Variants in TMTC2 observed in about 807,000 individuals in gnomAD.
The protein encoded by TMTC2 is protein O-mannosyl-transferase TMTC2.
In TMTC2, 43 loss-of-function variants were observed where a neutral mutation model predicts 82.4. The observed-to-expected ratio is 0.52, with a 90% CI of 0.41 to 0.67. TMTC2 has a LOEUF of 0.67. Ranked by LOEUF, TMTC2 falls within the 30% of genes least tolerant of loss-of-function variation. TMTC2 has a pLI of 0.00. For synonymous variants in TMTC2, 408 were observed against 381.9 expected, an observed-to-expected ratio of 1.07 and a Z score of -0.80; for missense variants, 919 against 1,012.4, an observed-to-expected ratio of 0.91 and a Z score of 1.25.
intron 2 of TMTC2, among the ~76,000 whole-genome samples, chr12:82,888,191 C>A (rs1368927605): frequency 2.6e-5 from 4 of 152,182 alleles, no homozygotes; most frequent in Non-Finnish European, 4.4e-5. Context: ...AAACCCTGTC[C>A]ATACTGGTGT....
At chr12:82,860,767 TTTGAC>T (rs1871500961) in intron 2 of TMTC2, among the ~76,000 whole-genome samples, 1 of 152,256 alleles carries the variant, frequency 6.6e-6, no homozygotes, top group Non-Finnish European at 1.5e-5. Flanking sequence ...CATAGAGTTG[TTTGAC>T]AGCATGTGAA....
At chr12:83,013,412 T>G (rs1880545368) in intron 8 of TMTC2, among the ~76,000 whole-genome samples, 1 of 152,178 alleles carries the variant, frequency 6.6e-6, no homozygotes, top group Non-Finnish European at 1.5e-5. Flanking sequence ...TTTTCTAACT[T>G]CATTTGATCA....
chr12:82,751,656 A>T (rs557318159), intron 1 of TMTC2, among the ~76,000 whole-genome samples: 4 of 152,182 alleles, frequency 2.6e-5, no homozygotes, highest in Non-Finnish European at 5.9e-5. Flanking sequence ...CTAATAAAGA[A>T]ATCATGGATA....
chr12:82,702,661 T>C (rs1371186984), intron 1 of TMTC2, among the ~76,000 whole-genome samples: 1 of 152,142 alleles, frequency 6.6e-6, no homozygotes, highest in African/African-American at 2.4e-5. Context: ...GTGTGGTGGC[T>C]CACACATGTA....
At chr12:82,708,799 C>CTG (rs1234434218) in intron 1 of TMTC2, among the ~76,000 whole-genome samples, 3 of 152,224 alleles carry the variant, frequency 2.0e-5, no homozygotes, top group African/African-American at 7.2e-5. Flanking sequence ...TTGTTTCAGG[C>CTG]TGTGCTTCAA....
At position 82,914,989 on chromosome 12, in the gene TMTC2, C is replaced by T. The variant is rs147696146; in HGVS notation, c.1484-15442C>T. On this transcript the variant is annotated intron_variant, in intron 3 of 11. Transcript: ENST00000321196. ...TACAGGCATGCACCACCACGCCCGG[C>T]TAATTTTGTATTTTTAGTATAGATG... 2.8e-3 allele frequency among the ~76,000 whole-genome samples: 419 copies of T among 152,032 alleles called. 5 individuals carry two copies. The highest frequency in any genetic ancestry group is 9.5e-3 in the African/African-American group (393 of 41,476).
At chr12:82,839,719 G>A (rs1870233606) in intron 1 of TMTC2, among the ~76,000 whole-genome samples, 1 of 152,156 alleles carries the variant, frequency 6.6e-6, no homozygotes, top group Non-Finnish European at 1.5e-5. Flanking sequence ...ATGTACCCAA[G>A]GTCAGCTTCT....
At chr12:82,778,873 A>T in intron 1 of TMTC2, among the ~76,000 whole-genome samples, 1 of 146,074 alleles carries the variant, frequency 6.8e-6, no homozygotes, top group East Asian at 2.0e-4. Flanking sequence ...AAAAAAAAAA[A>T]AAAAATGCAA....
At chr12:82,997,221 C>CTCTCTCTCTCTCTATATATATATA (rs1451262969) in intron 8 of TMTC2, among the ~76,000 whole-genome samples, 4 of 118,548 alleles carry the variant, frequency 3.4e-5, no homozygotes, top group African/African-American at 1.5e-4. Context: ...CTCTCTCTCT[C>CTCTCTCTCTCTCTATATATATATA]TATATATATA....
At chr12:82,925,470 T>C (rs1184736541) in intron 3 of TMTC2, among the ~76,000 whole-genome samples, 5 of 152,216 alleles carry the variant, frequency 3.3e-5, no homozygotes. Flanking sequence ...CAGGCATACC[T>C]TATTTTCTTG....
intron 7 of TMTC2, among the ~76,000 whole-genome samples, chr12:82,983,841 G>T (rs961552971): frequency 1.3e-5 from 2 of 151,780 alleles, no homozygotes; most frequent in African/African-American, 2.4e-5. Context: ...GCTTTACATT[G>T]TTCAGTATTT....
At chr12:82,799,532 C>T (rs1272838487) in intron 1 of TMTC2, among the ~76,000 whole-genome samples, 1 of 152,088 alleles carries the variant, frequency 6.6e-6, no homozygotes, top group African/African-American at 2.4e-5. Flanking sequence ...GACATTTCTT[C>T]TTCAAGTTCT....
intron 8 of TMTC2, among the ~76,000 whole-genome samples, chr12:83,012,649 G>A (rs1880510559): frequency 6.6e-6 from 1 of 152,052 alleles, no homozygotes; most frequent in Admixed American, 6.6e-5. Flanking sequence ...TTATTCACTT[G>A]ATAACATAGA....
chr12:83,067,140 G>A (rs1882948085), intron 11 of TMTC2, among the ~76,000 whole-genome samples: 1 of 151,874 alleles, frequency 6.6e-6, no homozygotes, highest in African/African-American at 2.4e-5. Flanking sequence ...CAAAGTTAAT[G>A]AGCAGGGAAC....
At chr12:82,935,150 T>C (rs1160192773) in intron 4 of TMTC2, among the ~76,000 whole-genome samples, 2 of 152,166 alleles carry the variant, frequency 1.3e-5, no homozygotes, top group Non-Finnish European at 2.9e-5. Context: ...TGGGTTTGCA[T>C]ACCTGTGCTA....
chr12:83,044,486 C>T (rs1370372191), intron 9 of TMTC2, among the ~76,000 whole-genome samples: 2 of 152,088 alleles, frequency 1.3e-5, no homozygotes, highest in East Asian at 1.9e-4. Context: ...AATAACAATC[C>T]GATTTCCATT....
At chr12:82,861,468 T>C (rs1871545634) in intron 2 of TMTC2, among the ~76,000 whole-genome samples, 1 of 152,250 alleles carries the variant, frequency 6.6e-6, no homozygotes, top group Non-Finnish European at 1.5e-5. Flanking sequence ...ACAAGACTCA[T>C]GCAAATGATG....
chr12:82,897,258 A>T (rs1873733594), intron 3 of TMTC2, among the ~76,000 whole-genome samples: 2 of 152,346 alleles, frequency 1.3e-5, no homozygotes, highest in South Asian at 4.1e-4. Context: ...TTAGAAAAAC[A>T]CACTTCTCAC....
intron 7 of TMTC2, among the ~76,000 whole-genome samples, chr12:82,971,169 C>G (rs1483559037): frequency 2.0e-5 from 3 of 151,860 alleles, no homozygotes; most frequent in African/African-American, 7.3e-5. Context: ...CCAAATCTTA[C>G]AAAGTTCAGA....
Sources: gnomAD v4.1 joint callset for allele counts (sites outside exome capture counted in the v4.1 genomes callset) on GRCh38, gnomAD v4.1.1 for gene constraint, MANE v1.5 for transcripts, NCBI Gene and HGNC (gene_info 2026-07-23, HGNC 2026-07-21) for gene names.